Variants in CNTN5 observed in about 807,000 individuals in gnomAD.
The protein encoded by CNTN5 is contactin-5.
CNTN5 carries 77 observed loss-of-function variants against 129.1 expected under a neutral mutation model. The ratio of observed to expected loss-of-function variants is 0.60; its 90% CI spans 0.50 to 0.72. The LOEUF (loss-of-function observed/expected upper bound fraction) is 0.72, where lower values mean the gene tolerates loss of function less well. Among genes scored for constraint, CNTN5 ranks in the 30% least tolerant of loss-of-function variants. CNTN5 has a pLI of 0.00. For synonymous variants in CNTN5, 509 were observed against 465.6 expected (o/e 1.09, Z -1.20); for missense variants, 1,478 against 1,328.8 (o/e 1.11, Z -1.75).
At chr11:99,872,245 AT>A (rs1251070026) in intron 6 of CNTN5, among the ~76,000 whole-genome samples, 1 of 152,070 alleles carries the variant, frequency 6.6e-6, no homozygotes, top group African/African-American at 2.4e-5. Context: ...ATGAAAAAAA[AT>A]TTGAAATTGG....
At chr11:99,168,127 A>G (rs1371902848) in intron 1 of CNTN5, among the ~76,000 whole-genome samples, 1 of 152,000 alleles carries the variant, frequency 6.6e-6, no homozygotes, top group Non-Finnish European at 1.5e-5. Flanking sequence ...TATTTTTTGT[A>G]GCGACAGACT....
chr11:99,976,104 C>G (rs187847131), intron 8 of CNTN5, among the ~76,000 whole-genome samples: 257 of 152,298 alleles, frequency 1.7e-3, no homozygotes, highest in African/African-American at 5.7e-3. Context: ...GTCCATAAAC[C>G]ATCCAGAGAG....
Position 99,341,891 on chromosome 11 carries a change from G to T in CNTN5, c.-71+16407G>T, listed in dbSNP as rs2136057221. On this transcript the variant is annotated intron_variant, in intron 2 of 24. Coordinates refer to ENST00000524871, the MANE Select transcript of CNTN5 (RefSeq NM_014361.4). Reference sequence around the variant, plus strand: ...AATGACAAACCACGGCTGAAGAAAAGTACTGTGAGAGAACAAAAATAGTAA... The same window carrying T: ...AATGACAAACCACGGCTGAAGAAAATTACTGTGAGAGAACAAAAATAGTAA... Among the ~76,000 whole-genome samples, 3 of 152,200 alleles carry T rather than the reference G, an allele frequency of 2.0e-5. No homozygotes were observed. In the Middle Eastern group the frequency reaches 0.01, roughly 518 times the overall value.
At chr11:99,416,476 G>T (rs1264097420) in intron 2 of CNTN5, among the ~76,000 whole-genome samples, 1 of 151,864 alleles carries the variant, frequency 6.6e-6, no homozygotes, top group South Asian at 2.1e-4. Context: ...TTGGTGAGAT[G>T]GGTTCTCAGT....
chr11:99,941,920 A>G (rs1950448084), intron 7 of CNTN5, among the ~76,000 whole-genome samples: 1 of 152,080 alleles, frequency 6.6e-6, no homozygotes, highest in African/African-American at 2.4e-5. Flanking sequence ...GTCTATTACC[A>G]AGGGTTGAAA....
rs562532100 is a variant in CNTN5 at position 99,704,071 on chromosome 11, A to G, written c.56-115473A>G. Among the ~76,000 whole-genome samples the G allele has an allele frequency of 8.3e-4, 119 of 144,046 alleles. 2 individuals carry two copies. The South Asian group carries it at 0.025, about 30-fold the overall frequency. The allele number at this position is 144,046 out of a possible 152,430, so 94.5% of individuals were successfully genotyped here. On this transcript the variant is annotated intron_variant, in intron 3 of 24. Transcript: ENST00000524871. The stretch of plus-strand genomic sequence containing the variant: ...TATATATATATATGTGTGTGTGTGT[A>G]TGTGTGTGTGTGTATACATACACCC...
chr11:99,204,373 G>A (rs10790530), intron 1 of CNTN5, among the ~76,000 whole-genome samples: 96,605 of 151,988 alleles, frequency 0.64, 31,297 homozygotes, highest in East Asian at 0.95. Flanking sequence ...TTTTGCATAC[G>A]TGTGACTAAA....
intron 3 of CNTN5, among the ~76,000 whole-genome samples, chr11:99,737,795 A>T (rs1265511694): frequency 6.6e-6 from 1 of 152,176 alleles, no homozygotes; most frequent in Non-Finnish European, 1.5e-5. Flanking sequence ...TTACTCGACT[A>T]AGCCTTCAGG....
chr11:100,303,404 C>A (rs534175060), intron 20 of CNTN5, among the ~76,000 whole-genome samples: 1 of 151,580 alleles, frequency 6.6e-6, no homozygotes, highest in South Asian at 2.1e-4. Context: ...TTCCACATTT[C>A]AAGAAATAAT....
intron 9 of CNTN5, among the ~76,000 whole-genome samples, chr11:100,019,651 C>G (rs1941022903): frequency 2.0e-5 from 3 of 151,910 alleles, no homozygotes; most frequent in African/African-American, 4.8e-5. Context: ...GCTGCCAAAA[C>G]AGGAATGCAG....
At chr11:99,765,709 A>G (rs1944730701) in intron 3 of CNTN5, among the ~76,000 whole-genome samples, 1 of 151,180 alleles carries the variant, frequency 6.6e-6, no homozygotes. Flanking sequence ...ACAACTATAG[A>G]AGAGTCTACA....
chr11:100,274,185 C>T (rs1950459267), intron 18 of CNTN5, among the ~76,000 whole-genome samples: 1 of 152,174 alleles, frequency 6.6e-6, no homozygotes, highest in Non-Finnish European at 1.5e-5. Flanking sequence ...AAGATTGAAA[C>T]TGGACCACTT....
At chr11:99,949,934 T>C (rs1251413838) in intron 7 of CNTN5, among the ~76,000 whole-genome samples, 1 of 152,210 alleles carries the variant, frequency 6.6e-6, no homozygotes, top group Non-Finnish European at 1.5e-5. Context: ...GAATTAAATG[T>C]GCATAAAATA....
chr11:99,827,402 T>C (rs1160332734), intron 4 of CNTN5, among the ~76,000 whole-genome samples: 1 of 152,228 alleles, frequency 6.6e-6, no homozygotes, highest in East Asian at 1.9e-4. Context: ...TCATTGGTTC[T>C]TTTTAAGTTT....
intron 2 of CNTN5, among the ~76,000 whole-genome samples, chr11:99,453,814 C>G (rs781450790): frequency 6.6e-6 from 1 of 152,070 alleles, no homozygotes; most frequent in East Asian, 1.9e-4. Context: ...TCGATATAAG[C>G]CAAGACTGCA....
intron 1 of CNTN5, among the ~76,000 whole-genome samples, chr11:99,319,608 A>G (rs549475808): frequency 3.3e-5 from 5 of 152,330 alleles, no homozygotes; most frequent in South Asian, 2.1e-4. Context: ...TGTATATCAC[A>G]TAATGGAGAC....
intron 9 of CNTN5, among the ~76,000 whole-genome samples, chr11:100,007,091 C>G (rs12277376): frequency 0.37 from 56,542 of 151,594 alleles, 11,905 homozygotes; most frequent in African/African-American, 0.57. Flanking sequence ...TGAAAGGAGT[C>G]TTTTTTTCTG....
At chr11:99,602,378 T>C (rs890419700) in intron 3 of CNTN5, among the ~76,000 whole-genome samples, 1 of 152,030 alleles carries the variant, frequency 6.6e-6, no homozygotes, top group Non-Finnish European at 1.5e-5. Flanking sequence ...AGAGGAGATA[T>C]TAAAGAGGAA....
At chr11:99,101,792 C>T (rs1322770700) in intron 1 of CNTN5, among the ~76,000 whole-genome samples, 1 of 152,156 alleles carries the variant, frequency 6.6e-6, no homozygotes, top group Non-Finnish European at 1.5e-5. Flanking sequence ...TTTCCAGGCA[C>T]ATGGTGTGAG....
Sources: allele counts gnomAD v4.1 joint callset (sites outside exome capture counted in the v4.1 genomes callset), GRCh38; gene constraint gnomAD v4.1.1; transcripts MANE v1.5; gene names NCBI Gene and HGNC (gene_info 2026-07-23, HGNC 2026-07-21).